EPHA6: variants seen among roughly 807,000 people sequenced by gnomAD.
The protein encoded by EPHA6 is ephrin type-A receptor 6.
In EPHA6, 50 loss-of-function variants were observed where a neutral mutation model predicts 112.0. The ratio of observed to expected loss-of-function variants is 0.45; its 90% CI spans 0.36 to 0.56. EPHA6 has a LOEUF of 0.56. Ranked by LOEUF, EPHA6 falls within the 20% of genes least tolerant of loss-of-function variation. The pLI, the probability that EPHA6 is intolerant of heterozygous loss-of-function variation, is 0.00. For missense variants in EPHA6, 1,280 were observed against 1,417.4 expected (o/e 0.90, Z 1.56); for synonymous variants, 529 against 490.7 (o/e 1.08, Z -1.03).
chr3:97,376,947 C>T (rs899183504), intron 5 of EPHA6, among the ~76,000 whole-genome samples: 2 of 152,102 alleles, frequency 1.3e-5, no homozygotes, highest in East Asian at 1.9e-4. Context: ...TCTGAAAATC[C>T]AGGCATATCC....
At chr3:97,550,156 C>A (rs1360764258) in intron 11 of EPHA6, among the ~76,000 whole-genome samples, 3 of 152,184 alleles carry the variant, frequency 2.0e-5, no homozygotes, top group Non-Finnish European at 4.4e-5. Flanking sequence ...GACAGGATAA[C>A]AGTCTTGCTT....
At chr3:97,175,934 A>G (rs935357326) in intron 3 of EPHA6, among the ~76,000 whole-genome samples, 1 of 151,888 alleles carries the variant, frequency 6.6e-6, no homozygotes, top group Non-Finnish European at 1.5e-5. Flanking sequence ...GCCTTCCAGT[A>G]CTATGCTGAA....
chr3:97,053,730 G>C (rs2108094037), intron 3 of EPHA6, among the ~76,000 whole-genome samples: 1 of 152,192 alleles, frequency 6.6e-6, no homozygotes, highest in South Asian at 2.1e-4. Context: ...TGATAATGTA[G>C]TTTAAGCAGA....
chr3:97,356,342 A>G (rs2084077487), intron 5 of EPHA6, among the ~76,000 whole-genome samples: 2 of 152,336 alleles, frequency 1.3e-5, no homozygotes, highest in South Asian at 2.1e-4. Flanking sequence ...TGCAATATTA[A>G]TAGAAATAAA....
intron 2 of EPHA6, among the ~76,000 whole-genome samples, chr3:96,882,846 G>T (rs1381844285): frequency 2.6e-5 from 4 of 151,712 alleles, no homozygotes; most frequent in South Asian, 4.2e-4. Context: ...TATTTGGGTT[G>T]GTTCTATGAG....
intron 3 of EPHA6, among the ~76,000 whole-genome samples, chr3:97,028,830 A>G (rs1298043914): frequency 1.3e-5 from 2 of 151,976 alleles, no homozygotes; most frequent in African/African-American, 4.8e-5. Context: ...TATGAACATT[A>G]TGTCATTTGA....
chr3:97,545,525 A>C (rs1332156383), intron 11 of EPHA6, among the ~76,000 whole-genome samples: 1 of 152,168 alleles, frequency 6.6e-6, no homozygotes, highest in Non-Finnish European at 1.5e-5. Context: ...GTGGTGCTGA[A>C]AAGAATGTAT....
intron 3 of EPHA6, among the ~76,000 whole-genome samples, chr3:97,019,784 G>A (rs74789777): frequency 0.013 from 1,915 of 151,834 alleles, 37 homozygotes; most frequent in African/African-American, 0.044. Flanking sequence ...CAATATATAC[G>A]TGTATATTAT....
intron 2 of EPHA6, among the ~76,000 whole-genome samples, chr3:96,870,156 TGAGA>T (rs989037092): frequency 2.0e-5 from 3 of 152,064 alleles, no homozygotes; most frequent in Admixed American, 6.6e-5. Flanking sequence ...TTCTACCTAA[TGAGA>T]GAGAGATTTA....
At chr3:97,339,685 A>T (rs899576642) in intron 5 of EPHA6, among the ~76,000 whole-genome samples, 4 of 152,192 alleles carry the variant, frequency 2.6e-5, no homozygotes, top group Non-Finnish European at 5.9e-5. Context: ...AAGACTTGGG[A>T]AAAAATCAAA....
At chr3:97,480,182 A>T (rs4510384) in intron 9 of EPHA6, among the ~76,000 whole-genome samples, 28,575 of 151,284 alleles carry the variant, frequency 0.19, 4,060 homozygotes, top group African/African-American at 0.38. Flanking sequence ...TTTTATTATT[A>T]TTTTTTAAGT....
chr3:97,667,405 A>G (rs2107649307), intron 14 of EPHA6, among the ~76,000 whole-genome samples: 1 of 152,300 alleles, frequency 6.6e-6, no homozygotes, highest in Middle Eastern at 3.4e-3. Context: ...TATGGTTTTA[A>G]TTAATCTGAT....
At chr3:97,537,446 A>C (rs147660237) in intron 11 of EPHA6, among the ~76,000 whole-genome samples, 2 of 152,302 alleles carry the variant, frequency 1.3e-5, no homozygotes, top group Non-Finnish European at 2.9e-5. Flanking sequence ...GTGCCAGTCC[A>C]CTGGGAGCAA....
At chr3:97,233,621 G>A (rs891656220) in intron 4 of EPHA6, among the ~76,000 whole-genome samples, 1 of 151,912 alleles carries the variant, frequency 6.6e-6, no homozygotes, top group Non-Finnish European at 1.5e-5. Flanking sequence ...TATTCTTATG[G>A]TGTATTATCT....
chr3:97,466,536 C>A, intron 7 of EPHA6: 1 of 796,774 alleles, frequency 1.3e-6, no homozygotes, highest in Non-Finnish European at 2.3e-6. Flanking sequence ...CCAGGCTCTC[C>A]AATGATGTCT....
chr3:96,944,353 G>C (rs1281493391), intron 2 of EPHA6, among the ~76,000 whole-genome samples: 1 of 149,664 alleles, frequency 6.7e-6, no homozygotes, highest in Non-Finnish European at 1.5e-5. Flanking sequence ...AATTTCTCTG[G>C]CTCGTTTCTC....
intron 2 of EPHA6, among the ~76,000 whole-genome samples, chr3:96,928,452 G>T (rs1175821722): frequency 2.0e-5 from 3 of 152,152 alleles, no homozygotes; most frequent in African/African-American, 7.2e-5. Flanking sequence ...TTAATCTTTA[G>T]TTCTAATTTG....
chr3:96,893,992 A>G (rs62262957), intron 2 of EPHA6, among the ~76,000 whole-genome samples: 4,764 of 152,332 alleles, frequency 0.031, 108 homozygotes, highest in Middle Eastern at 0.068. Context: ...AAAATCTCCA[A>G]TATGGATGAA....
At chr3:96,918,078 C>G (rs1024431354) in intron 2 of EPHA6, among the ~76,000 whole-genome samples, 1 of 152,152 alleles carries the variant, frequency 6.6e-6, no homozygotes, top group South Asian at 2.1e-4. Context: ...CCCTCTACCC[C>G]CATCCCACCT....
Sources: allele counts gnomAD v4.1 joint callset (sites outside exome capture counted in the v4.1 genomes callset), GRCh38; gene constraint gnomAD v4.1.1; transcripts MANE v1.5; gene names NCBI Gene and HGNC (gene_info 2026-07-23, HGNC 2026-07-21).